RCAN2: variants seen among roughly 807,000 people sequenced by gnomAD.
RCAN2 encodes the protein calcipressin-2.
In RCAN2, 9 loss-of-function variants were observed where a neutral mutation model predicts 23.6. The ratio of observed to expected loss-of-function variants is 0.38; its 90% CI spans 0.23 to 0.67. RCAN2 has a LOEUF of 0.67. Ranked by LOEUF, RCAN2 falls within the 30% of genes least tolerant of loss-of-function variation. The pLI, the probability that RCAN2 is intolerant of heterozygous loss-of-function variation, is 0.51. For synonymous variants in RCAN2, 109 were observed against 115.7 expected, an observed-to-expected ratio of 0.94 and a Z score of 0.37; for missense variants, 273 against 302.3, an observed-to-expected ratio of 0.90 and a Z score of 0.72.
At chr6:46,399,252 T>A (rs1178442684) in intron 2 of RCAN2, among the ~76,000 whole-genome samples, 1 of 151,940 alleles carries the variant, frequency 6.6e-6, no homozygotes, top group East Asian at 1.9e-4. Flanking sequence ...TCTCCTCCAA[T>A]CCCTAGTAAT....
intron 2 of RCAN2, among the ~76,000 whole-genome samples, chr6:46,326,163 T>A (rs1763789233): frequency 6.6e-6 from 1 of 152,184 alleles, no homozygotes; most frequent in Admixed American, 6.5e-5. Flanking sequence ...GTCTGTCATT[T>A]AGGGAGCATG....
chr6:46,273,925 T>G (rs913900923), intron 2 of RCAN2, among the ~76,000 whole-genome samples: 1 of 152,124 alleles, frequency 6.6e-6, no homozygotes, highest in Non-Finnish European at 1.5e-5. Flanking sequence ...TGCATTTTGT[T>G]CTTAGGGCAA....
chr6:46,470,387 G>A (rs1285807912), intron 1 of RCAN2, among the ~76,000 whole-genome samples: 1 of 152,178 alleles, frequency 6.6e-6, no homozygotes. Flanking sequence ...CAACATTGAA[G>A]TGCCTTATTA....
At chr6:46,324,781 C>A (rs754426654) in intron 2 of RCAN2, among the ~76,000 whole-genome samples, 1 of 152,194 alleles carries the variant, frequency 6.6e-6, no homozygotes, top group Admixed American at 6.5e-5. Context: ...CCTTAAGATG[C>A]GAAATATTTA....
At chr6:46,241,144 G>A (rs897637941) in intron 4 of RCAN2, among the ~76,000 whole-genome samples, 17 of 152,142 alleles carry the variant, frequency 1.1e-4, no homozygotes, top group East Asian at 7.7e-4. Context: ...TTAGTGCCAC[G>A]TGCGTCTCTA....
At chr6:46,385,298 C>T (rs1170588610) in intron 2 of RCAN2, among the ~76,000 whole-genome samples, 1 of 152,180 alleles carries the variant, frequency 6.6e-6, no homozygotes, top group African/African-American at 2.4e-5. Flanking sequence ...TTCTACAATA[C>T]ACCAAGGAAC....
intron 2 of RCAN2, among the ~76,000 whole-genome samples, chr6:46,268,372 T>C (rs9381437): frequency 0.79 from 120,314 of 152,092 alleles, 47,883 homozygotes; most frequent in Non-Finnish European, 0.83. Context: ...AATAAAGTCA[T>C]TCATCATAGA....
intron 2 of RCAN2, among the ~76,000 whole-genome samples, chr6:46,336,714 A>C (rs1165203112): frequency 6.6e-6 from 1 of 152,200 alleles, no homozygotes; most frequent in East Asian, 1.9e-4. Flanking sequence ...AAGTTCTTGA[A>C]AAGAGTGGTG....
chr6:46,409,347 A>G (rs1194914751), intron 2 of RCAN2, among the ~76,000 whole-genome samples: 1 of 152,236 alleles, frequency 6.6e-6, no homozygotes, highest in Non-Finnish European at 1.5e-5. Flanking sequence ...ATTATTATTC[A>G]CCTTTCAAAG....
chr6:46,429,954 A>G (rs1767142627), intron 2 of RCAN2, among the ~76,000 whole-genome samples: 1 of 152,216 alleles, frequency 6.6e-6, no homozygotes, highest in African/African-American at 2.4e-5. Context: ...GAAAGTTAGC[A>G]TGGCTGGAGA....
chr6:46,228,682 A>G (rs1357619176), intron 4 of RCAN2, among the ~76,000 whole-genome samples: 1 of 151,960 alleles, frequency 6.6e-6, no homozygotes, highest in Non-Finnish European at 1.5e-5. Context: ...CGCACGTGAG[A>G]TGGGTCTCCT....
chr6:46,370,934 C>T (rs902106073), intron 2 of RCAN2, among the ~76,000 whole-genome samples: 1 of 152,074 alleles, frequency 6.6e-6, no homozygotes, highest in African/African-American at 2.4e-5. Flanking sequence ...CCTCAATTTA[C>T]ACTATTTAGT....
intron 1 of RCAN2, among the ~76,000 whole-genome samples, chr6:46,484,082 C>T (rs1031685402): frequency 2.0e-5 from 3 of 152,130 alleles, no homozygotes; most frequent in African/African-American, 7.2e-5. Context: ...GGACTTTTAG[C>T]TTTAACAGTT....
chr6:46,288,000 C>T (rs889488502), intron 2 of RCAN2, among the ~76,000 whole-genome samples: 1 of 152,206 alleles, frequency 6.6e-6, no homozygotes, highest in Non-Finnish European at 1.5e-5. Flanking sequence ...CCCAAACCCC[C>T]ACTCTCTTTT....
upstream of RCAN2, among the ~76,000 whole-genome samples, chr6:46,491,596 G>T (rs1449165937): frequency 6.6e-6 from 1 of 151,918 alleles, no homozygotes; most frequent in Non-Finnish European, 1.5e-5. Flanking sequence ...TCCTGACCCG[G>T]CGCCCTCCCC....
chr6:46,375,027 C>T (rs7454947), intron 2 of RCAN2, among the ~76,000 whole-genome samples: 1 of 152,206 alleles, frequency 6.6e-6, no homozygotes, highest in Admixed American at 6.5e-5. Context: ...CTACCTCAGT[C>T]TTCCCAGTAG....
intron 2 of RCAN2, among the ~76,000 whole-genome samples, chr6:46,354,867 T>C (rs1477364839): frequency 6.6e-6 from 1 of 151,790 alleles, no homozygotes; most frequent in African/African-American, 2.4e-5. Flanking sequence ...CTAGAAAACC[T>C]GCAGAGACTT....
chr6:46,365,611 T>C (rs1765150845), intron 2 of RCAN2, among the ~76,000 whole-genome samples: 1 of 152,322 alleles, frequency 6.6e-6, no homozygotes, highest in Non-Finnish European at 1.5e-5. Flanking sequence ...GACAAAATAT[T>C]GCTATCCTTC....
chr6:46,317,185 T>G (rs753402827), intron 2 of RCAN2, among the ~76,000 whole-genome samples: 1 of 152,112 alleles, frequency 6.6e-6, no homozygotes, highest in Non-Finnish European at 1.5e-5. Context: ...TCCAGAAAAC[T>G]TTTCTTTTTC....
Sources: allele counts gnomAD v4.1 joint callset (sites outside exome capture counted in the v4.1 genomes callset), GRCh38; gene constraint gnomAD v4.1.1; transcripts MANE v1.5; gene names NCBI Gene and HGNC (gene_info 2026-07-23, HGNC 2026-07-21).